VDR: variants seen among roughly 807,000 people sequenced by gnomAD.
VDR encodes the protein vitamin D receptor.
In VDR, 19 loss-of-function variants were observed where a neutral mutation model predicts 39.7. The ratio of observed to expected loss-of-function variants is 0.48; its 90% confidence interval spans 0.33 to 0.70. The LOEUF is 0.70. VDR is among the 30% of genes least tolerant of loss of function. The probability of loss-of-function intolerance (pLI) is 0.02; values close to 1 mark genes in which losing one functional copy is unlikely to be tolerated. For missense variants in VDR, 442 were observed against 570.5 expected, an observed-to-expected ratio of 0.77 and a Z score of 2.29; for synonymous variants, 242 against 215.8, an observed-to-expected ratio of 1.12 and a Z score of -1.07.
At chr12:47,856,943 C>A (rs1265194233) in intron 6 of VDR, among the ~76,000 whole-genome samples, 186 bp downstream of exon 6, 2 of 152,220 alleles carry the variant, frequency 1.3e-5, no homozygotes, top group East Asian at 3.8e-4. Context: ...CCAGTGTGGG[C>A]CCTTGGGTAA....
chr12:47,869,720 C>A (rs1284990884), intron 3 of VDR, among the ~76,000 whole-genome samples: 1 of 151,878 alleles, frequency 6.6e-6, no homozygotes, highest in Non-Finnish European at 1.5e-5. Flanking sequence ...CATGGTGAAA[C>A]CCTGTATCTA....
intron 5 of VDR, 35 bp downstream of exon 5, chr12:47,857,469 C>T: frequency 6.2e-7 from 1 of 1,614,104 alleles, no homozygotes; most frequent in Non-Finnish European, 8.5e-7. Flanking sequence ...TGCTTCTCCT[C>T]TGGACCGGCT....
chr12:47,864,930 C>T, intron 4 of VDR, 117 bp downstream of exon 4: 1 of 1,556,714 alleles, frequency 6.4e-7, no homozygotes, highest in Non-Finnish European at 8.7e-7. Flanking sequence ...GCCCCAGATG[C>T]TGGCAGCTAC....
chr12:47,881,090 A>ATGTG (rs71726777), intron 2 of VDR, among the ~76,000 whole-genome samples: 1 of 124,752 alleles, frequency 8.0e-6, no homozygotes. Context: ...AATACAGTAT[A>ATGTG]TGTGTGTGTG....
intron 1 of VDR, among the ~76,000 whole-genome samples, chr12:47,902,305 A>G (rs1416514299): frequency 6.6e-6 from 1 of 152,228 alleles, no homozygotes; most frequent in Non-Finnish European, 1.5e-5. Flanking sequence ...ATCAGAGGGA[A>G]GCAAAATGAC....
chr12:47,857,120 C>T lies in VDR; in HGVS notation c.583+9G>A. 1 of 1,614,026 alleles carries T rather than the reference C, an allele frequency of 6.2e-7. No homozygotes were observed. Among genetic ancestry groups the T allele is most frequent in the Non-Finnish European group, 8.5e-7 (1 of 1,179,978 alleles). On this transcript the variant is annotated intron_variant, in intron 6 of 9. Transcript: ENST00000549336. ...CCCTTACTCTATGGAGGACTGAAGTCCTGCTTACCTGAAGAGGTGATACAG... is the reference window on the plus strand; with the variant it reads ...CCCTTACTCTATGGAGGACTGAAGTTCTGCTTACCTGAAGAGGTGATACAG...
intron 1 of VDR, 139 bp downstream of exon 1, chr12:47,904,816 C>T (rs1565642897): frequency 3.7e-6 from 2 of 533,888 alleles, no homozygotes; most frequent in Non-Finnish European, 3.3e-6. Context: ...CACGACAGCC[C>T]GGACCTCAGT....
chr12:47,891,964 G>A (rs924733472), intron 1 of VDR, among the ~76,000 whole-genome samples: 18 of 150,636 alleles, frequency 1.2e-4, no homozygotes, highest in African/African-American at 2.2e-4. Flanking sequence ...GGTGGGTGCC[G>A]AGGGGCTGGA....
Position 47,841,705 on chromosome 12 carries a change from A to G in VDR, c.*3041T>C, listed in dbSNP as rs1945175107. The G allele has an allele frequency of 6.6e-6, 1 of 152,298 alleles. No homozygotes were observed. The highest frequency in any genetic ancestry group is 1.5e-5 in the Non-Finnish European group (1 of 68,042). 9.4% of individuals were successfully genotyped at this position (152,298 alleles called of 1,614,324 possible). ...AAATCATTCAGCAGGCACTGTTTACATCCTTTCGCTGCCATATCTCTAGCT... is the reference window on the plus strand; with the variant it reads ...AAATCATTCAGCAGGCACTGTTTACGTCCTTTCGCTGCCATATCTCTAGCT... On this transcript the variant is annotated 3_prime_UTR_variant, in exon 10 of 10. Coordinates refer to ENST00000549336, the MANE Select transcript of VDR (RefSeq NM_000376.3).
chr12:47,864,037 T>C (rs1224407577), intron 4 of VDR, among the ~76,000 whole-genome samples: 1 of 152,048 alleles, frequency 6.6e-6, no homozygotes, highest in Admixed American at 6.6e-5. Context: ...CTGAGCAACA[T>C]CCCCACCCCG....
chr12:47,850,776 G>A (rs2239185), intron 7 of VDR, among the ~76,000 whole-genome samples: 80,688 of 151,440 alleles, frequency 0.53, 21,682 homozygotes, highest in African/African-American at 0.57. Flanking sequence ...CTGTCTTCAC[G>A]CCTGCAGCCG....
In VDR at chr12:47,878,760, A is replaced by G. The variant is rs578136832; in HGVS notation, c.146+208T>C. ...CAGCAACCTCAGGAAAGCGATTTCC[A>G]AGAGAGTCAGAGGAACATCTGGAGC... On this transcript the variant is annotated intron_variant, in intron 3 of 9. Transcript: ENST00000549336. 11 of 827,126 alleles carry G rather than the reference A, an allele frequency of 1.3e-5. No individual in the cohort carries two copies. In the South Asian group the frequency reaches 1.6e-4, roughly 12 times the overall value. The allele number at this position is 827,126 out of a possible 1,614,324, so 51.2% of individuals were successfully genotyped here. A position where few individuals can be genotyped will look rare whatever the true frequency, so the allele number is the denominator to read the frequency against.
chr12:47,890,722 T>G (rs1018369778), intron 1 of VDR, among the ~76,000 whole-genome samples: 2 of 152,216 alleles, frequency 1.3e-5, no homozygotes, highest in Non-Finnish European at 2.9e-5. Flanking sequence ...CAGCTTGGAC[T>G]GAGAACGTGT....
chr12:47,871,195 A>ATGG (rs1945848967), intron 3 of VDR, among the ~76,000 whole-genome samples: 1 of 152,298 alleles, frequency 6.6e-6, no homozygotes, highest in Admixed American at 6.5e-5. Flanking sequence ...CATGGGCGCA[A>ATGG]TGGTGGTTAC....
chr12:47,856,034 T>C (rs539754869), intron 6 of VDR, among the ~76,000 whole-genome samples: 2 of 152,354 alleles, frequency 1.3e-5, no homozygotes, highest in South Asian at 4.1e-4. Flanking sequence ...GCAATGAGAC[T>C]TCCTCAAGCA....
rs573332457 is a variant in VDR, at chr12:47,901,834, TG to T, written c.-84+3120del. 4.4e-4 allele frequency among the ~76,000 whole-genome samples: 67 copies of T among 152,218 alleles called. 1 individual carries two copies. In the South Asian group the frequency reaches 0.013, roughly 31 times the overall value. ...AGACCTTCCTGTCCCTGTCTGAGGT[TG>T]GGGTGGGGCAGGAAAACCAAAGGTG... is the stretch of plus-strand genomic sequence containing the variant. On this transcript the variant is annotated intron_variant, in intron 1 of 9. Transcript: ENST00000549336.
chr12:47,860,248 G>T (rs1380259882), intron 4 of VDR, among the ~76,000 whole-genome samples: 1 of 152,152 alleles, frequency 6.6e-6, no homozygotes, highest in African/African-American at 2.4e-5. Flanking sequence ...TTACAGGCGT[G>T]AGCTACCATG....
intron 1 of VDR, among the ~76,000 whole-genome samples, chr12:47,886,081 CA>C (rs1279707177): frequency 6.6e-6 from 1 of 152,172 alleles, no homozygotes; most frequent in Non-Finnish European, 1.5e-5. Flanking sequence ...GACATTGTTC[CA>C]AAGTTCCTAC....
At chr12:47,854,215 G>A (rs1253166017) in intron 7 of VDR, among the ~76,000 whole-genome samples, 2 of 152,082 alleles carry the variant, frequency 1.3e-5, no homozygotes, top group African/African-American at 4.8e-5. Flanking sequence ...TTGACCTCCT[G>A]GGCTCAAGTG....
Sources: allele counts gnomAD v4.1 joint callset (sites outside exome capture counted in the v4.1 genomes callset), GRCh38; gene constraint gnomAD v4.1.1; transcripts MANE v1.5; gene names NCBI Gene and HGNC (gene_info 2026-07-23, HGNC 2026-07-21).